Variants in EXOC4 observed in about 807,000 individuals in gnomAD.
EXOC4 encodes the protein SEC8-like 1.
Under a neutral mutation model 107.2 loss-of-function variants are expected in EXOC4, and 71 were observed. That is an observed-to-expected ratio of 0.66 (90% CI 0.55 to 0.81). EXOC4 has a LOEUF of 0.81. EXOC4 is among the 30% of genes least tolerant of loss of function. The pLI is 0.00. For synonymous variants in EXOC4, 456 were observed against 441.2 expected, an observed-to-expected ratio of 1.03 and a Z score of -0.42; for missense variants, 1,108 against 1,189.6, an observed-to-expected ratio of 0.93 and a Z score of 1.01.
intron 14 of EXOC4, among the ~76,000 whole-genome samples, chr7:133,948,932 G>A (rs929621911): frequency 3.3e-5 from 5 of 152,166 alleles, no homozygotes; most frequent in African/African-American, 7.2e-5. Context: ...CCAAACCAGC[G>A]TGCCTTTGTT....
intron 9 of EXOC4, among the ~76,000 whole-genome samples, chr7:133,595,178 C>T (rs1052808363): frequency 6.6e-6 from 1 of 151,970 alleles, no homozygotes; most frequent in Non-Finnish European, 1.5e-5. Context: ...AGGATGGAAC[C>T]CAGAAGACTG....
At chr7:133,415,392 G>T (rs537867578) in intron 7 of EXOC4, among the ~76,000 whole-genome samples, 85 of 152,286 alleles carry the variant, frequency 5.6e-4, no homozygotes, top group Admixed American at 2.2e-3. Context: ...AGCAGCATCA[G>T]AGGGCTCCAG....
chr7:133,373,957 T>C lies in EXOC4; in HGVS notation c.1008-871T>C, dbSNP rs529699136. 5.9e-5 allele frequency among the ~76,000 whole-genome samples: 9 copies of C among 152,268 alleles called. No individual in the cohort carries two copies. In the East Asian group the frequency reaches 1.7e-3, roughly 29 times the overall value. ...GCATATGTGAGGCTCATGTGATAAG[T>C]TCCTTAAAAGCAGACAAAAGAGTAT... On this transcript the variant is annotated intron_variant, in intron 6 of 17. Transcript: ENST00000253861.
At chr7:133,461,676 A>G (rs950279949) in intron 7 of EXOC4, among the ~76,000 whole-genome samples, 3 of 152,158 alleles carry the variant, frequency 2.0e-5, no homozygotes, top group Non-Finnish European at 4.4e-5. Flanking sequence ...TGGTATTCCT[A>G]TAATGTAAGT....
At chr7:133,932,936 G>A (rs977278610) in intron 13 of EXOC4, among the ~76,000 whole-genome samples, 1 of 151,948 alleles carries the variant, frequency 6.6e-6, no homozygotes, top group African/African-American at 2.4e-5. Context: ...GAGAGAGAGG[G>A]AGAGAAAATA....
chr7:133,760,056 C>A (rs1796001123), intron 10 of EXOC4, among the ~76,000 whole-genome samples: 1 of 152,114 alleles, frequency 6.6e-6, no homozygotes, highest in East Asian at 1.9e-4. Context: ...GGCAAAATCA[C>A]CAGAAAGTAA....
In EXOC4 at chr7:134,064,742, T is replaced by C. The variant is rs1241625089; in HGVS notation, c.*214T>C. ...TGTTTTGGTTGAACAACTACTTTAA[T>C]GCAGTCAAATCTAACGGGACTAGGG... On this transcript the variant is annotated 3_prime_UTR_variant, in exon 18 of 18. Coordinates refer to ENST00000253861, the MANE Select transcript of EXOC4 (RefSeq NM_021807.4). 5.8e-6 allele frequency: 2 copies of C among 343,990 alleles called. No homozygotes were observed. The highest frequency in any genetic ancestry group is 4.2e-5 in the African/African-American group (2 of 47,544). The allele number at this position is 343,990 out of a possible 1,614,324, so 21.3% of individuals were successfully genotyped here.
At chr7:133,401,128 A>T (rs891278500) in intron 7 of EXOC4, among the ~76,000 whole-genome samples, 10 of 150,302 alleles carry the variant, frequency 6.7e-5, no homozygotes, top group Admixed American at 3.3e-4. Flanking sequence ...AGTTACCATT[A>T]CCATTTGTAT....
At chr7:133,738,477 G>A (rs989990058) in intron 10 of EXOC4, among the ~76,000 whole-genome samples, 10 of 152,158 alleles carry the variant, frequency 6.6e-5, no homozygotes, top group Non-Finnish European at 1.0e-4. Flanking sequence ...AGTTGAGAAT[G>A]TGGATAATGG....
chr7:133,272,015 C>T (rs1054865148), intron 1 of EXOC4, among the ~76,000 whole-genome samples: 8 of 152,032 alleles, frequency 5.3e-5, no homozygotes, highest in South Asian at 2.1e-4. Context: ...TATGGAAAAA[C>T]GCTACTGTCT....
intron 11 of EXOC4, among the ~76,000 whole-genome samples, chr7:133,846,689 G>A (rs1798134609): frequency 6.6e-6 from 1 of 152,230 alleles, no homozygotes; most frequent in South Asian, 2.1e-4. Flanking sequence ...TGCCTTTGTG[G>A]TGGGGAAGTA....
chr7:133,910,119 G>A (rs543109648), intron 12 of EXOC4, among the ~76,000 whole-genome samples: 3 of 151,788 alleles, frequency 2.0e-5, no homozygotes, highest in Admixed American at 6.6e-5. Context: ...ACAGGGTTTC[G>A]CCATGTTGGC....
chr7:133,977,502 A>C (rs755125826), intron 14 of EXOC4, among the ~76,000 whole-genome samples: 2 of 152,224 alleles, frequency 1.3e-5, no homozygotes, highest in Non-Finnish European at 2.9e-5. Context: ...ACTCGTCCTC[A>C]GCCTATAGGA....
chr7:134,057,553 C>G (rs929684080), intron 17 of EXOC4, among the ~76,000 whole-genome samples: 11 of 152,106 alleles, frequency 7.2e-5, no homozygotes. Context: ...AAGGGGAATA[C>G]AAATAAGAGC....
At chr7:133,702,643 G>A (rs781068674) in intron 10 of EXOC4, among the ~76,000 whole-genome samples, 4 of 151,820 alleles carry the variant, frequency 2.6e-5, no homozygotes, top group Non-Finnish European at 5.9e-5. Context: ...TATTTATTTA[G>A]GTGAGAAGAA....
intron 14 of EXOC4, among the ~76,000 whole-genome samples, chr7:133,955,183 A>C (rs1022054217): frequency 2.0e-5 from 3 of 152,242 alleles, no homozygotes; most frequent in Non-Finnish European, 4.4e-5. Context: ...TCCTGCATCC[A>C]GGAAGAATGA....
chr7:133,447,699 C>T (rs933491198), intron 7 of EXOC4, among the ~76,000 whole-genome samples: 4 of 151,750 alleles, frequency 2.6e-5, no homozygotes, highest in African/African-American at 4.8e-5. Flanking sequence ...AAAAATCACC[C>T]AGAATCCTTT....
intron 11 of EXOC4, among the ~76,000 whole-genome samples, chr7:133,879,920 C>T (rs1488241267): frequency 3.3e-5 from 5 of 152,172 alleles, no homozygotes; most frequent in Non-Finnish European, 1.5e-5. Context: ...GTCTTTCAGG[C>T]CTTCCACAAG....
chr7:133,446,291 A>C (rs1346332339), intron 7 of EXOC4, among the ~76,000 whole-genome samples: 1 of 152,108 alleles, frequency 6.6e-6, no homozygotes, highest in African/African-American at 2.4e-5. Context: ...CTGTTTTCTT[A>C]TTTACGAGGG....
Sources: gnomAD v4.1 joint callset for allele counts (sites outside exome capture counted in the v4.1 genomes callset) on GRCh38, gnomAD v4.1.1 for gene constraint, MANE v1.5 for transcripts, NCBI Gene and HGNC (gene_info 2026-07-23, HGNC 2026-07-21) for gene names.